CNTN1: variants seen among roughly 807,000 people sequenced by gnomAD.
CNTN1 encodes the protein contactin-1.
A neutral mutation model predicts 126.4 loss-of-function variants in CNTN1; 38 were observed. That is an observed-to-expected ratio of 0.30 (90% CI 0.23 to 0.39). The LOEUF (loss-of-function observed/expected upper bound fraction) is 0.39. CNTN1 is among the 10% of genes least tolerant of loss of function. The pLI is 1.00. For synonymous variants in CNTN1, 413 were observed against 422.6 expected (o/e 0.98, Z 0.28); for missense variants, 1,009 against 1,248.4 (o/e 0.81, Z 2.89).
chr12:40,911,070 CT>C (rs1945007093), intron 3 of CNTN1, among the ~76,000 whole-genome samples: 1 of 152,022 alleles, frequency 6.6e-6, no homozygotes, highest in South Asian at 2.1e-4. Context: ...GCGAAAGGCA[CT>C]TTTTAATTTA....
chr12:41,044,504 A>T (rs1017130443), intron 23 of CNTN1, among the ~76,000 whole-genome samples: 2 of 152,084 alleles, frequency 1.3e-5, no homozygotes, highest in Non-Finnish European at 2.9e-5. Flanking sequence ...AAAAATTGTA[A>T]ATGTTTTTGT....
chr12:40,880,309 GA>G (rs1279616355), intron 1 of CNTN1, among the ~76,000 whole-genome samples: 1 of 151,984 alleles, frequency 6.6e-6, no homozygotes, highest in Non-Finnish European at 1.5e-5. Flanking sequence ...ATCTGAGTAA[GA>G]GGATTTCCTT....
At chr12:41,037,421 A>G (rs1949290497) in intron 23 of CNTN1, among the ~76,000 whole-genome samples, 1 of 152,130 alleles carries the variant, frequency 6.6e-6, no homozygotes, top group South Asian at 2.1e-4. Context: ...TTGTATTACA[A>G]TTGGCTACAG....
At chr12:40,739,308 C>G (rs1043987123) in intron 1 of CNTN1, among the ~76,000 whole-genome samples, 1 of 151,968 alleles carries the variant, frequency 6.6e-6, no homozygotes, top group African/African-American at 2.4e-5. Context: ...GTTTAAAAAG[C>G]TAGTTGCAGA....
At chr12:40,902,956 T>C (rs544082724) in intron 1 of CNTN1, among the ~76,000 whole-genome samples, 14 of 152,064 alleles carry the variant, frequency 9.2e-5, no homozygotes, top group African/African-American at 3.1e-4. Flanking sequence ...GAATGACAAG[T>C]AGAGGAAGAG....
intron 11 of CNTN1, among the ~76,000 whole-genome samples, chr12:40,938,693 A>C (rs940087045): frequency 2.0e-5 from 3 of 152,206 alleles, no homozygotes; most frequent in Non-Finnish European, 4.4e-5. Context: ...CTTTCACTTT[A>C]CTTTCCTTGT....
At chr12:40,749,218 G>A (rs1320765391) in intron 1 of CNTN1, among the ~76,000 whole-genome samples, 2 of 152,046 alleles carry the variant, frequency 1.3e-5, no homozygotes, top group Non-Finnish European at 2.9e-5. Flanking sequence ...AAAGATTTAA[G>A]GTTAATCATT....
chr12:40,982,176 G>A (rs976957938), intron 16 of CNTN1, among the ~76,000 whole-genome samples: 3 of 152,078 alleles, frequency 2.0e-5, no homozygotes, highest in African/African-American at 7.2e-5. Context: ...CCACCTAAGT[G>A]TATAAAGTTG....
chr12:40,788,393 A>G (rs187246173), intron 1 of CNTN1, among the ~76,000 whole-genome samples: 2 of 152,118 alleles, frequency 1.3e-5, no homozygotes, highest in Non-Finnish European at 2.9e-5. Flanking sequence ...ACCCTGATGC[A>G]GTAGCCAGGA....
intron 11 of CNTN1, 136 bp from the exon 12 acceptor site, chr12:40,939,199 G>T: frequency 1.1e-6 from 1 of 897,560 alleles, no homozygotes; most frequent in Non-Finnish European, 1.7e-6. Flanking sequence ...AATGCCTATT[G>T]GTGACAGCTG....
At chr12:40,720,197 T>A (rs1942162321) in intron 1 of CNTN1, among the ~76,000 whole-genome samples, 1 of 152,114 alleles carries the variant, frequency 6.6e-6, no homozygotes, top group African/African-American at 2.4e-5. Flanking sequence ...GTCTAAGAAT[T>A]AGACTATTTG....
At chr12:40,943,456 T>C (rs1192473690) in intron 12 of CNTN1, 141 bp from the exon 13 acceptor site, 2 of 650,180 alleles carry the variant, frequency 3.1e-6, no homozygotes, top group Non-Finnish European at 5.2e-6. Context: ...GGCTAGAATT[T>C]GTCATCTTAC....
At chr12:40,929,067 ACTCCTGGG>A (rs1415309646) in intron 6 of CNTN1, among the ~76,000 whole-genome samples, 1 of 151,696 alleles carries the variant, frequency 6.6e-6, no homozygotes, top group African/African-American at 2.4e-5. Context: ...TTGTTGAATG[ACTCCTGGG>A]GAGTCATTCA....
intron 1 of CNTN1, among the ~76,000 whole-genome samples, chr12:40,796,200 G>A (rs1165289904): frequency 1.3e-5 from 2 of 152,040 alleles, no homozygotes; most frequent in Non-Finnish European, 2.9e-5. Flanking sequence ...GTGGAAGGAG[G>A]CTACTGGCTT....
rs1018664142 is a variant in CNTN1, at chr12:40,917,717, G to T, written c.95-922G>T. 6.6e-5 allele frequency among the ~76,000 whole-genome samples: 10 copies of T among 152,098 alleles called. 1 individual carries two copies. In the South Asian group the frequency reaches 8.3e-4, roughly 13 times the overall value. ...TAATTCATTTGAGGCATATGGCTTT[G>T]CACTGTGCTCTCTAAATGCTGCCGC... On this transcript the variant is annotated intron_variant, in intron 3 of 23. Transcript: ENST00000551295.
chr12:40,746,978 G>T (rs1938210676), intron 1 of CNTN1, among the ~76,000 whole-genome samples: 1 of 152,016 alleles, frequency 6.6e-6, no homozygotes, highest in Non-Finnish European at 1.5e-5. Flanking sequence ...CAACTGCCTG[G>T]CCATCACCTG....
At chr12:40,962,848 C>A (rs1031510523) in intron 15 of CNTN1, among the ~76,000 whole-genome samples, 1 of 151,968 alleles carries the variant, frequency 6.6e-6, no homozygotes, top group Non-Finnish European at 1.5e-5. Flanking sequence ...TTTTCTTTTC[C>A]AAAGTTGGCT....
At chr12:40,738,797 C>T (rs936601735) in intron 1 of CNTN1, among the ~76,000 whole-genome samples, 1 of 151,958 alleles carries the variant, frequency 6.6e-6, no homozygotes, top group South Asian at 2.1e-4. Context: ...TTTGTGTCTA[C>T]CAAATTTGCA....
At chr12:40,767,657 G>A (rs1380697005) in intron 1 of CNTN1, among the ~76,000 whole-genome samples, 2 of 149,184 alleles carry the variant, frequency 1.3e-5, no homozygotes, top group Non-Finnish European at 3.0e-5. Context: ...TGTTTGAGAC[G>A]GCGTCTTGCT....
Sources: gnomAD v4.1 joint callset for allele counts (sites outside exome capture counted in the v4.1 genomes callset) on GRCh38, gnomAD v4.1.1 for gene constraint, MANE v1.5 for transcripts, NCBI Gene and HGNC (gene_info 2026-07-23, HGNC 2026-07-21) for gene names.